The following RPS6KB1 variants were observed in gnomAD, a reference collection of about 807,000 sequenced individuals.
RPS6KB1 encodes the protein ribosomal protein S6 kinase B1, also known as ribosomal protein S6 kinase beta-1.
A neutral mutation model predicts 70.2 loss-of-function variants in RPS6KB1; 12 were observed. The ratio of observed to expected loss-of-function variants is 0.17; its 90% CI spans 0.11 to 0.28. The LOEUF (loss-of-function observed/expected upper bound fraction) is 0.28. Among genes scored for constraint, RPS6KB1 ranks in the 10% least tolerant of loss-of-function variants. The pLI is 1.00. For synonymous variants in RPS6KB1, 175 were observed against 211.2 expected, an observed-to-expected ratio of 0.83 and a Z score of 1.49; for missense variants, 270 against 646.6, an observed-to-expected ratio of 0.42 and a Z score of 6.32.
At chr17:59,928,221 T>TA (rs2043732948) in intron 5 of RPS6KB1, among the ~76,000 whole-genome samples, 1 of 152,088 alleles carries the variant, frequency 6.6e-6, no homozygotes, top group Non-Finnish European at 1.5e-5. Context: ...CCCCAGATGT[T>TA]ACCATTTCAC....
chr17:59,917,331 G>A (rs1039535149), intron 4 of RPS6KB1, among the ~76,000 whole-genome samples: 1 of 152,060 alleles, frequency 6.6e-6, no homozygotes, highest in African/African-American at 2.4e-5. Flanking sequence ...GCCCAGGCTG[G>A]TGTTGAACTC....
intron 1 of RPS6KB1, among the ~76,000 whole-genome samples, chr17:59,910,206 A>C (rs988442796): frequency 1.1e-4 from 17 of 151,790 alleles, no homozygotes; most frequent in African/African-American, 3.1e-4. Flanking sequence ...AAAAAAAAAA[A>C]AAACCCGGGT....
intron 14 of RPS6KB1, 51 bp downstream of exon 14, chr17:59,945,569 G>T: frequency 1.0e-6 from 1 of 970,588 alleles, no homozygotes; most frequent in Non-Finnish European, 1.6e-6. Flanking sequence ...CAACCTACAA[G>T]AGTGTTTGCT....
intron 1 of RPS6KB1, among the ~76,000 whole-genome samples, chr17:59,896,240 C>G (rs1345405144): frequency 6.6e-6 from 1 of 151,916 alleles, no homozygotes; most frequent in African/African-American, 2.4e-5. Flanking sequence ...TTTGCCCAGG[C>G]TGGAGTGCAA....
At chr17:59,899,017 A>T (rs1055188895) in intron 1 of RPS6KB1, among the ~76,000 whole-genome samples, 7 of 151,814 alleles carry the variant, frequency 4.6e-5, no homozygotes, top group African/African-American at 1.7e-4. Context: ...AGCCTGGCCA[A>T]CATGGTGAAA....
chr17:59,947,488 T>TG lies in RPS6KB1; in HGVS notation c.*704dup, dbSNP rs35627972. On this transcript the variant is annotated 3_prime_UTR_variant, in exon 15 of 15. Transcript: ENST00000225577. ...CACAGCTGTGGCTCGTTTGAGGGATTGGGGTGGACCTGGGGTTTATTTTCA... is the reference window on the plus strand; with the variant it reads ...CACAGCTGTGGCTCGTTTGAGGGATTGGGGGTGGACCTGGGGTTTATTTTCA... 35 of 1,463,088 alleles carry TG rather than the reference T, an allele frequency of 2.4e-5. No individual in the cohort carries two copies. Among genetic ancestry groups the TG allele is most frequent in the South Asian group, 1.2e-4 (8 of 69,440 alleles). 90.6% of individuals were successfully genotyped at this position (1,463,088 alleles called of 1,614,324 possible). A position where few individuals can be genotyped will look rare whatever the true frequency, so the allele number is the denominator to read the frequency against.
rs754442116 is a variant in RPS6KB1, at chr17:59,934,943, T to C, written c.871-250T>C. On this transcript the variant is annotated intron_variant, in intron 9 of 14. Coordinates refer to ENST00000225577, the MANE Select transcript of RPS6KB1 (RefSeq NM_003161.4). The surrounding 1 kb of genome is among the most constrained non-coding windows in gnomAD (Gnocchi z 4.8). ...GGTGCATGCCTGTAGCCTAAGCTAC[T>C]CAGGAGGCTGAGGTGGGAGGATCAT... 1.2e-5 allele frequency: 5 copies of C among 401,810 alleles called. No individual in the cohort carries two copies. Among genetic ancestry groups the C allele is most frequent in the African/African-American group, 2.0e-5 (1 of 48,898 alleles). The allele number at this position is 401,810 out of a possible 1,614,324, so 24.9% of individuals were successfully genotyped here. A position where few individuals can be genotyped will look rare whatever the true frequency, so the allele number is the denominator to read the frequency against.
At chr17:59,894,856 C>T (rs1399115171) in intron 1 of RPS6KB1, among the ~76,000 whole-genome samples, 3 of 152,270 alleles carry the variant, frequency 2.0e-5, no homozygotes, top group African/African-American at 4.8e-5. Flanking sequence ...CCACCAGCCT[C>T]GGCCTCCCAA....
intron 13 of RPS6KB1, among the ~76,000 whole-genome samples, chr17:59,942,545 G>A (rs746275096): frequency 5.9e-5 from 9 of 151,312 alleles, no homozygotes; most frequent in African/African-American, 2.2e-4. Context: ...ATTTGTTTTT[G>A]GACTACTCTA....
intron 1 of RPS6KB1, among the ~76,000 whole-genome samples, chr17:59,900,009 TA>T (rs912078259): frequency 6.6e-6 from 1 of 151,498 alleles, no homozygotes; most frequent in Non-Finnish European, 1.5e-5. Flanking sequence ...TACAAAAAAT[TA>T]AAAAAATAAA....
chr17:59,918,391 CAA>C (rs1360919359), intron 4 of RPS6KB1, among the ~76,000 whole-genome samples: 1 of 150,490 alleles, frequency 6.6e-6, no homozygotes, highest in Admixed American at 6.6e-5. Context: ...TTTTTTGAGA[CAA>C]GAGTCTCACT....
At chr17:59,935,142 C>A in intron 9 of RPS6KB1, 51 bp from the exon 10 acceptor site, 3 of 1,114,866 alleles carry the variant, frequency 2.7e-6, no homozygotes, top group Non-Finnish European at 4.0e-6. Flanking sequence ...TTCTTATATG[C>A]TAATATTTTT....
At chr17:59,939,468 C>T (rs1198243195) in intron 12 of RPS6KB1, among the ~76,000 whole-genome samples, 1 of 152,028 alleles carries the variant, frequency 6.6e-6, no homozygotes, top group Non-Finnish European at 1.5e-5. Context: ...CTGGTAGAGA[C>T]GGGGTTTTGC....
At chr17:59,917,022 A>G (rs998551794) in intron 4 of RPS6KB1, among the ~76,000 whole-genome samples, 2 of 152,102 alleles carry the variant, frequency 1.3e-5, no homozygotes, top group African/African-American at 2.4e-5. Flanking sequence ...TCGTTTACAC[A>G]TGGCCTATTT....
intron 1 of RPS6KB1, among the ~76,000 whole-genome samples, chr17:59,905,298 G>T (rs2042200439): frequency 6.6e-6 from 1 of 152,008 alleles, no homozygotes; most frequent in Non-Finnish European, 1.5e-5. Flanking sequence ...ATTAGCCGCT[G>T]TGCTCAGTCT....
chr17:59,904,141 C>G (rs544692227), intron 1 of RPS6KB1, among the ~76,000 whole-genome samples: 11 of 151,846 alleles, frequency 7.2e-5, no homozygotes, highest in African/African-American at 2.7e-4. Context: ...AGTGCAGTGG[C>G]GTGATCTCGG....
At chr17:59,943,274 A>AT (rs1295197570) in intron 13 of RPS6KB1, among the ~76,000 whole-genome samples, 1 of 151,856 alleles carries the variant, frequency 6.6e-6, no homozygotes, top group East Asian at 1.9e-4. Flanking sequence ...TAATTTTGGC[A>AT]TTTTTTTTCT....
At chr17:59,940,712 T>G (rs1027202980) in intron 12 of RPS6KB1, 124 bp from the exon 13 acceptor site, 14 of 501,270 alleles carry the variant, frequency 2.8e-5, no homozygotes, top group Non-Finnish European at 4.5e-5. Flanking sequence ...CTGTGCCTGC[T>G]AAGACTATTC....
At chr17:59,916,448 C>T (rs2042970099) in intron 4 of RPS6KB1, among the ~76,000 whole-genome samples, 1 of 152,134 alleles carries the variant, frequency 6.6e-6, no homozygotes, top group Non-Finnish European at 1.5e-5. Flanking sequence ...TTGTTTACTT[C>T]ACCCTCCTTT....
Sources: gnomAD v4.1 joint callset for allele counts (sites outside exome capture counted in the v4.1 genomes callset) on GRCh38, gnomAD v4.1.1 for gene constraint, Gnocchi (gnomAD v3.1) non-coding constraint, MANE v1.5 for transcripts, NCBI Gene and HGNC (gene_info 2026-07-23, HGNC 2026-07-21) for gene names.